DNAJC6: variants seen among roughly 807,000 people sequenced by gnomAD.
DNAJC6 encodes the protein DnaJ heat shock protein family (Hsp40) member C6.
A neutral mutation model predicts 110.0 loss-of-function variants in DNAJC6; 34 were observed. The ratio of observed to expected loss-of-function variants is 0.31; its 90% confidence interval spans 0.24 to 0.41. The LOEUF (loss-of-function observed/expected upper bound fraction) is 0.41, where lower values mean the gene tolerates loss of function less well. Among genes scored for constraint, DNAJC6 ranks in the 10% least tolerant of loss-of-function variants. The pLI is 1.00. For missense variants in DNAJC6, 1,031 were observed against 1,207.8 expected (o/e 0.85, Z 2.17); for synonymous variants, 406 against 437.2 (o/e 0.93, Z 0.89).
chr1:65,306,100 C>CA (rs1426713306), upstream of DNAJC6, among the ~76,000 whole-genome samples: 2 of 138,324 alleles, frequency 1.4e-5, no homozygotes, highest in Non-Finnish European at 3.0e-5. Context: ...TTTTTTGAGA[C>CA]AGAGTCTCGC....
chr1:65,379,585 T>G (rs1645798688), intron 5 of DNAJC6, 61 bp downstream of exon 5: 1 of 1,589,132 alleles, frequency 6.3e-7, no homozygotes, highest in Non-Finnish European at 8.6e-7. Flanking sequence ...GATGAGCCTG[T>G]ACACAATGGT....
At chr1:65,346,733 C>T (rs1645440362) in intron 1 of DNAJC6, among the ~76,000 whole-genome samples, 1 of 152,080 alleles carries the variant, frequency 6.6e-6, no homozygotes, top group South Asian at 2.1e-4. Flanking sequence ...ATGATCCTTT[C>T]ACTTTTATGT....
In DNAJC6 at chr1:65,380,897, T is replaced by TTGTTTTG. The variant is rs1557551948; in HGVS notation, c.666+1374_666+1375insGTTTTGT. 3.3e-4 allele frequency among the ~76,000 whole-genome samples: 45 copies of TTGTTTTG among 134,628 alleles called. 4 individuals are homozygous for TTGTTTTG. The highest frequency in any genetic ancestry group is 1.1e-3 in the African/African-American group (35 of 31,090). The allele number at this position is 134,628 out of a possible 152,430, so 88.3% of individuals were successfully genotyped here. On this transcript the variant is annotated intron_variant, in intron 5 of 18. Transcript: ENST00000371069. ...TTGAAGCTGGGGGAGGGAGTTTTTT[T>TTGTTTTG]TTTTTTGTTTTTTGTTTTGTTTTGT...
intron 1 of DNAJC6, among the ~76,000 whole-genome samples, chr1:65,293,004 A>G (rs983348971): frequency 1.3e-5 from 2 of 152,148 alleles, no homozygotes; most frequent in African/African-American, 2.4e-5. Flanking sequence ...GTTCTCTTGG[A>G]GAAGGAGAAG....
At chr1:65,400,099 A>C (rs1646016441) in intron 14 of DNAJC6, among the ~76,000 whole-genome samples, 1 of 152,046 alleles carries the variant, frequency 6.6e-6, no homozygotes, top group South Asian at 2.1e-4. Flanking sequence ...AGAATTACTT[A>C]GGCCCAGGAG....
intron 15 of DNAJC6, among the ~76,000 whole-genome samples, chr1:65,405,570 G>C (rs1646067864): frequency 6.6e-6 from 1 of 152,134 alleles, no homozygotes; most frequent in East Asian, 1.9e-4. Context: ...CAAAGATCCA[G>C]AATCAAGTCT....
intron 1 of DNAJC6, among the ~76,000 whole-genome samples, chr1:65,281,765 C>T (rs1198923574): frequency 6.6e-6 from 1 of 151,992 alleles, no homozygotes; most frequent in Non-Finnish European, 1.5e-5. Context: ...CCAGCCACCA[C>T]GCCTGGCTAA....
chr1:65,406,689 G>A (rs949786745), intron 16 of DNAJC6, among the ~76,000 whole-genome samples: 2 of 152,188 alleles, frequency 1.3e-5, no homozygotes, highest in South Asian at 4.1e-4. Context: ...GGGTACCTAT[G>A]ATGGTGCCAA....
intron 4 of DNAJC6, among the ~76,000 whole-genome samples, chr1:65,374,034 A>G (rs1390787693): frequency 6.6e-6 from 1 of 152,194 alleles, no homozygotes; most frequent in Non-Finnish European, 1.5e-5. Flanking sequence ...TCTATGGAAA[A>G]GACTGTCCTC....
intron 1 of DNAJC6, among the ~76,000 whole-genome samples, chr1:65,276,715 C>T (rs1290113699): frequency 6.6e-6 from 1 of 152,190 alleles, no homozygotes; most frequent in Non-Finnish European, 1.5e-5. Flanking sequence ...TTAGCCTCTG[C>T]TCTGGGCAGC....
rs1646099673 is a variant in DNAJC6 at position 65,408,678 on chromosome 1, C to T, written c.2529C>T (p.Leu843=). The T allele has an allele frequency of 6.2e-7, 1 of 1,613,920 alleles. No homozygotes were observed. The highest frequency in any genetic ancestry group is 8.5e-7 in the Non-Finnish European group (1 of 1,179,916). ...KQKAADFEDL[L]SGQGFNAHKD... ...AAGCAGCTGATTTTGAAGACCTACT[C>T]TCTGGTCAAGGTTTCAATGCTCACA... The change falls in exon 17 of 19, where the codon CTC becomes CTT. Residue 843 remains leucine (L), a synonymous_variant. Transcript: ENST00000371069.
At chr1:65,378,279 C>CCTTCTTAAATATTCTCCCAG (rs71058407) in intron 4 of DNAJC6, among the ~76,000 whole-genome samples, 37,963 of 151,946 alleles carry the variant, frequency 0.25, 8,224 homozygotes, top group East Asian at 0.61. Flanking sequence ...GAGTCATTCT[C>CCTTCTTAAATATTCTCCCAG]CTCCTTAACA....
intron 8 of DNAJC6, among the ~76,000 whole-genome samples, chr1:65,387,390 C>T (rs1346144222): frequency 2.6e-5 from 4 of 152,154 alleles, no homozygotes; most frequent in Non-Finnish European, 5.9e-5. Flanking sequence ...GCAAACATCA[C>T]CACTAATTCC....
chr1:65,288,180 G>A (rs1300026363), intron 1 of DNAJC6, among the ~76,000 whole-genome samples: 1 of 152,136 alleles, frequency 6.6e-6, no homozygotes, highest in Non-Finnish European at 1.5e-5. Context: ...GCCTTCACCT[G>A]TCTACATTGC....
At chr1:65,301,592 C>A (rs1295374684) in intron 1 of DNAJC6, among the ~76,000 whole-genome samples, 2 of 152,076 alleles carry the variant, frequency 1.3e-5, no homozygotes, top group Admixed American at 1.3e-4. Context: ...CAGGGAAACA[C>A]GTTTATTGGG....
rs192308943 is a variant in DNAJC6, at chr1:65,378,322, C to T, written c.544-1080C>T. ...ATAATCTGGCCCTTCAGTCTACACT[C>T]TCACCATGAAGGACTTCATTTTTTT... On this transcript the variant is annotated intron_variant, in intron 4 of 18. Transcript: ENST00000371069. Among the ~76,000 whole-genome samples, 319 of 152,364 alleles carry T rather than the reference C, an allele frequency of 2.1e-3. 2 individuals carry two copies. The highest frequency in any genetic ancestry group is 6.8e-3 in the Middle Eastern group (2 of 294).
intron 13 of DNAJC6, among the ~76,000 whole-genome samples, chr1:65,397,149 G>A (rs1473032418): frequency 1.3e-5 from 2 of 152,106 alleles, no homozygotes; most frequent in Admixed American, 6.6e-5. Context: ...ACTAGCGAGT[G>A]GAAAGAATTT....
At chr1:65,409,438 T>C (rs1436392995) in intron 17 of DNAJC6, among the ~76,000 whole-genome samples, 1 of 152,228 alleles carries the variant, frequency 6.6e-6, no homozygotes, top group Non-Finnish European at 1.5e-5. Context: ...TTTGTTTGCC[T>C]GTTCAAATGA....
At chr1:65,369,907 A>T (rs1244929776) in intron 4 of DNAJC6, among the ~76,000 whole-genome samples, 1 of 152,226 alleles carries the variant, frequency 6.6e-6, no homozygotes, top group African/African-American at 2.4e-5. Flanking sequence ...AGAATGTTAA[A>T]ATAGGACTTT....
Sources: allele counts gnomAD v4.1 joint callset (sites outside exome capture counted in the v4.1 genomes callset), GRCh38; gene constraint gnomAD v4.1.1; transcripts MANE v1.5; gene names NCBI Gene and HGNC (gene_info 2026-07-23, HGNC 2026-07-21).